The following WDR72 variants were observed in gnomAD, a reference collection of about 807,000 sequenced individuals.
WDR72 encodes WD repeat-containing protein 72.
Under a neutral mutation model 124.2 loss-of-function variants are expected in WDR72, and 120 were observed. The ratio of observed to expected loss-of-function variants is 0.97; its 90% confidence interval spans 0.83 to 1.12. The LOEUF (loss-of-function observed/expected upper bound fraction) is 1.12, where lower values mean the gene tolerates loss of function less well. Ranked by LOEUF, WDR72 falls within the 50% of genes most tolerant of loss-of-function variation. The pLI, the probability that WDR72 is intolerant of heterozygous loss-of-function variation, is 0.00. For missense variants in WDR72, 1,387 were observed against 1,278.8 expected, an observed-to-expected ratio of 1.08 and a Z score of -1.29; for synonymous variants, 452 against 441.7, an observed-to-expected ratio of 1.02 and a Z score of -0.29.
intron 14 of WDR72, among the ~76,000 whole-genome samples, chr15:53,660,287 G>A (rs936332204): frequency 3.3e-5 from 5 of 151,984 alleles, no homozygotes; most frequent in Non-Finnish European, 5.9e-5. Flanking sequence ...GTAACATGTA[G>A]TATTGCCATG....
At chr15:53,616,520 A>C (rs2013773737) in intron 14 of WDR72, among the ~76,000 whole-genome samples, 1 of 152,106 alleles carries the variant, frequency 6.6e-6, no homozygotes, top group East Asian at 1.9e-4. Context: ...CTAGATTAAC[A>C]TCCTTTAATA....
chr15:53,597,078 CT>C lies in WDR72; in HGVS notation c.3148del (p.Thr1050LeufsTer44), dbSNP rs1461372793. 1 of 1,613,576 alleles carries C rather than the reference CT, an allele frequency of 6.2e-7. No homozygotes were observed. On this transcript the variant is annotated frameshift_variant and splice_region_variant, in exon 18 of 20. Transcript: ENST00000360509. LOFTEE classifies it high-confidence loss of function. ...AGTATACCAATAAATTTTGTACTTA[CT>C]TTGCAGAGGCAAAGTGTTTCTAACA... ...QCVRNTLPLQTPVSPVKHDSN... is the reference protein window; with the variant it reads ...QCVRNTLPLQXPVSPVKHDSN...
chr15:53,685,669 T>G (rs2016594209), intron 13 of WDR72, among the ~76,000 whole-genome samples: 1 of 151,174 alleles, frequency 6.6e-6, no homozygotes, highest in South Asian at 2.1e-4. Flanking sequence ...TTCCCCAATC[T>G]AGCAAGGCAG....
At position 53,583,951 on chromosome 15, in the gene WDR72, C is replaced by T. The variant is rs182480140; in HGVS notation, c.3148+13128G>A. ...TTTGTTAAAATTCTATTGATTAAAT[C>T]AAATTTTTTTAAATGACAGAGAGAT... On this transcript the variant is annotated intron_variant, in intron 18 of 19. Coordinates refer to ENST00000360509, the MANE Select transcript of WDR72 (RefSeq NM_182758.4). Among the ~76,000 whole-genome samples, 39 of 144,204 alleles carry T rather than the reference C, an allele frequency of 2.7e-4. 1 individual carries two copies. The highest frequency in any genetic ancestry group is 9.3e-4 in the African/African-American group (38 of 40,714). The allele number at this position is 144,204 out of a possible 152,430, so 94.6% of individuals were successfully genotyped here.
intron 4 of WDR72, among the ~76,000 whole-genome samples, chr15:53,715,774 C>T (rs1004140215): frequency 6.6e-6 from 1 of 152,120 alleles, no homozygotes; most frequent in Non-Finnish European, 1.5e-5. Flanking sequence ...GCCGTTAGCA[C>T]CACTGTACTT....
rs34970072 is a variant in WDR72 at position 53,702,173 on chromosome 15, A to G, written c.1530T>C (p.Gly510=). 1.9e-6 allele frequency: 3 copies of G among 1,613,974 alleles called. No homozygotes were observed. Among genetic ancestry groups the G allele is most frequent in the South Asian group, 1.1e-5 (1 of 91,076 alleles). Residue 510 remains glycine (G), a synonymous_variant, in exon 12 of 20, where the codon GGT becomes GGC. Coordinates refer to ENST00000360509, the MANE Select transcript of WDR72 (RefSeq NM_182758.4). The part of the protein sequence containing the change: ...EILHKFFLEA[G]PVTSLLMSPE... ...GTGACATCAAAAGACTTGTTACTGGACCAGCTTCCAAAAAGAATTTATGCA... is the reference window on the plus strand; with the variant it reads ...GTGACATCAAAAGACTTGTTACTGGGCCAGCTTCCAAAAAGAATTTATGCA...
At position 53,541,595 on chromosome 15, in the gene WDR72, T is replaced by G. The variant is rs527601748; in HGVS notation, c.3149-18273A>C. 2.6e-3 allele frequency among the ~76,000 whole-genome samples: 398 copies of G among 151,860 alleles called. 4 individuals carry two copies. The highest frequency in any genetic ancestry group is 4.7e-4 in the Non-Finnish European group (32 of 67,934). On this transcript the variant is annotated intron_variant, in intron 18 of 19. Coordinates refer to ENST00000360509, the MANE Select transcript of WDR72 (RefSeq NM_182758.4). ...CTAAAACGCAGAGCGCCTCTCCTCC[T>G]CCAAAGGAACGCAGTTCCTCACCAG...
chr15:53,731,927 T>G (rs900151044), intron 2 of WDR72, among the ~76,000 whole-genome samples: 2 of 152,178 alleles, frequency 1.3e-5, no homozygotes, highest in Admixed American at 1.3e-4. Flanking sequence ...AAGCTTATAG[T>G]GACCTACATA....
At chr15:53,550,165 C>G (rs1330224204) in intron 18 of WDR72, among the ~76,000 whole-genome samples, 1 of 152,154 alleles carries the variant, frequency 6.6e-6, no homozygotes, top group Non-Finnish European at 1.5e-5. Context: ...TTCCCACTCT[C>G]ATCAGTCTTG....
chr15:53,730,923 C>A (rs2018182557), intron 2 of WDR72, among the ~76,000 whole-genome samples: 1 of 151,656 alleles, frequency 6.6e-6, no homozygotes, highest in Non-Finnish European at 1.5e-5. Context: ...GTTTTCCCTG[C>A]TAATAGTTGA....
intron 14 of WDR72, among the ~76,000 whole-genome samples, chr15:53,621,465 G>T: frequency 7.9e-6 from 1 of 126,902 alleles, no homozygotes; most frequent in African/African-American, 4.1e-5. Context: ...ATATGATAGA[G>T]TACTACTCAG....
chr15:53,713,184 T>A (rs2017596584), intron 6 of WDR72, among the ~76,000 whole-genome samples: 1 of 113,024 alleles, frequency 8.8e-6, no homozygotes, highest in African/African-American at 3.4e-5. Context: ...ATATAGGATG[T>A]ATTTCTTGAA....
intron 18 of WDR72, among the ~76,000 whole-genome samples, chr15:53,572,394 T>C (rs1894564615): frequency 6.9e-6 from 1 of 145,386 alleles, no homozygotes; most frequent in African/African-American, 2.5e-5. Context: ...GTTGATTTTT[T>C]GTATACGGTG....
At chr15:53,586,075 G>C (rs537274615) in intron 18 of WDR72, among the ~76,000 whole-genome samples, 1 of 152,028 alleles carries the variant, frequency 6.6e-6, no homozygotes, top group Admixed American at 6.6e-5. Context: ...CAACCTTTTG[G>C]AAAGTAGAAA....
intron 17 of WDR72, among the ~76,000 whole-genome samples, chr15:53,602,593 G>A (rs1237303126): frequency 6.6e-6 from 1 of 151,922 alleles, no homozygotes; most frequent in East Asian, 1.9e-4. Flanking sequence ...TCACTCACTA[G>A]ACTAATAAAG....
intron 4 of WDR72, among the ~76,000 whole-genome samples, chr15:53,715,572 GGAAA>G (rs2017680632): frequency 6.6e-6 from 1 of 152,102 alleles, no homozygotes; most frequent in African/African-American, 2.4e-5. Context: ...ATTTTTCTAG[GGAAA>G]GAGAGATCGC....
chr15:53,718,552 T>A lies in WDR72; in HGVS notation c.261-1867A>T, dbSNP rs1421639434. ...CTCTTTGCCTATCAATTTTGCTTAA[T>A]AAAAGAAAGCAAATTTGTGGTGTAT... On this transcript the variant is annotated intron_variant, in intron 3 of 19. Coordinates refer to ENST00000360509, the MANE Select transcript of WDR72 (RefSeq NM_182758.4). Among the ~76,000 whole-genome samples, 10 of 152,164 alleles carry A rather than the reference T, an allele frequency of 6.6e-5. No homozygotes were observed. In the South Asian group the frequency reaches 1.5e-3, roughly 22 times the overall value.
At chr15:53,519,511 C>G (rs549165419) in intron 19 of WDR72, among the ~76,000 whole-genome samples, 4 of 152,082 alleles carry the variant, frequency 2.6e-5, no homozygotes, top group Non-Finnish European at 5.9e-5. Context: ...GTAGACTTCA[C>G]AGAGTCTAAG....
chr15:53,738,540 T>C (rs1159814234), intron 1 of WDR72, among the ~76,000 whole-genome samples: 2 of 152,182 alleles, frequency 1.3e-5, no homozygotes, highest in Non-Finnish European at 2.9e-5. Flanking sequence ...GAAAGGTAAG[T>C]GAAATAATTT....
Sources: gnomAD v4.1 joint callset for allele counts (sites outside exome capture counted in the v4.1 genomes callset) on GRCh38, gnomAD v4.1.1 for gene constraint, MANE v1.5 for transcripts, NCBI Gene and HGNC (gene_info 2026-07-23, HGNC 2026-07-21) for gene names.